Variants in GLIS3 observed in about 807,000 individuals in gnomAD.
GLIS3 encodes GLIS family zinc finger 3.
Under a neutral mutation model 78.6 loss-of-function variants are expected in GLIS3, and 53 were observed. That is an observed-to-expected ratio of 0.67 (90% confidence interval 0.54 to 0.85). GLIS3 has a LOEUF of 0.85. Ranked by LOEUF, GLIS3 falls within the 40% of genes least tolerant of loss-of-function variation. The pLI, the probability that GLIS3 is intolerant of heterozygous loss-of-function variation, is 0.00. For missense variants in GLIS3, 1,703 were observed against 1,231.1 expected (o/e 1.38, Z -5.74); for synonymous variants, 684 against 509.9 (o/e 1.34, Z -4.60).
At chr9:4,356,308 A>G in the GLIS3 span, among the ~76,000 whole-genome samples, 1 of 152,312 alleles carries the variant, frequency 6.6e-6, no homozygotes, top group Non-Finnish European at 1.5e-5. Flanking sequence ...CAAGTGATCC[A>G]GTGTCTTTCT....
rs1817637422 is a variant in GLIS3 at position 3,824,790 on chromosome 9, A to G, written c.*3482T>C. ...TGTGATTTATGGAAAACAGATTTCCACTTTTTTCCCCCAAAGTGCTTTATG... is the reference window on the plus strand; with the variant it reads ...TGTGATTTATGGAAAACAGATTTCCGCTTTTTTCCCCCAAAGTGCTTTATG... On this transcript the variant is annotated 3_prime_UTR_variant, in exon 11 of 11. Transcript: ENST00000381971. 1 of 152,390 alleles carries G rather than the reference A, an allele frequency of 6.6e-6. No homozygotes were observed. The highest frequency in any genetic ancestry group is 6.6e-5 in the Admixed American group (1 of 15,254). The allele number at this position is 152,390 out of a possible 1,614,324, so 9.4% of individuals were successfully genotyped here. A position where few individuals can be genotyped will look rare whatever the true frequency, so the allele number is the denominator to read the frequency against.
the GLIS3 span, among the ~76,000 whole-genome samples, chr9:4,428,130 T>C: frequency 2.0e-5 from 3 of 151,768 alleles, no homozygotes; most frequent in African/African-American, 7.3e-5. Flanking sequence ...CAGGTGGCAA[T>C]ATGGACCCCT....
chr9:4,397,211 G>A, the GLIS3 span, among the ~76,000 whole-genome samples: 2 of 141,802 alleles, frequency 1.4e-5, no homozygotes, highest in African/African-American at 5.5e-5. Context: ...ATTTTTAGTA[G>A]AGACGGGGTT....
chr9:4,054,222 T>G (rs761360053), intron 4 of GLIS3: 15 of 577,526 alleles, frequency 2.6e-5, no homozygotes, highest in Non-Finnish European at 3.1e-5. Flanking sequence ...CAGCAGAACA[T>G]CAGCTCTGTG....
intron 2 of GLIS3, among the ~76,000 whole-genome samples, chr9:4,183,794 T>C (rs146081108): frequency 1.3e-5 from 2 of 152,360 alleles, no homozygotes; most frequent in African/African-American, 4.8e-5. Context: ...GTCATGATTC[T>C]GAATGTTTAT....
intron 2 of GLIS3, among the ~76,000 whole-genome samples, chr9:4,234,542 ACAT>A (rs1229466186): frequency 6.6e-6 from 1 of 152,186 alleles, no homozygotes; most frequent in Admixed American, 6.5e-5. Context: ...GTAACACAAA[ACAT>A]CACTGTTCAT....
At chr9:4,227,301 G>A (rs945238354) in intron 2 of GLIS3, among the ~76,000 whole-genome samples, 1 of 54,254 alleles carries the variant, frequency 1.8e-5, no homozygotes, top group Non-Finnish European at 3.7e-5. Flanking sequence ...GTCACGTTAT[G>A]TTACCAAAAA....
intron 4 of GLIS3, among the ~76,000 whole-genome samples, chr9:3,975,977 C>T (rs1468304120): frequency 6.6e-6 from 1 of 152,132 alleles, no homozygotes; most frequent in Non-Finnish European, 1.5e-5. Context: ...GCTGTCTCAT[C>T]AGATCAGCAG....
chr9:4,258,188 G>A (rs1010047280), intron 2 of GLIS3, among the ~76,000 whole-genome samples: 12 of 151,986 alleles, frequency 7.9e-5, no homozygotes, highest in African/African-American at 2.7e-4. Flanking sequence ...TTTTCAGAGG[G>A]AGGAAAACAA....
At chr9:4,480,194 G>C in the GLIS3 span, among the ~76,000 whole-genome samples, 1 of 147,638 alleles carries the variant, frequency 6.8e-6, no homozygotes, top group South Asian at 2.1e-4. Context: ...TTCCAGGCTG[G>C]GCTTTCTTTT....
intron 4 of GLIS3, among the ~76,000 whole-genome samples, chr9:4,072,847 G>T (rs550087601): frequency 6.6e-4 from 101 of 152,024 alleles, no homozygotes; most frequent in African/African-American, 2.4e-3. Context: ...TAATACACAT[G>T]AACAGCCTAA....
the GLIS3 span, among the ~76,000 whole-genome samples, chr9:4,428,693 C>A: frequency 1.3e-5 from 2 of 152,014 alleles, no homozygotes; most frequent in Non-Finnish European, 2.9e-5. Flanking sequence ...GATAATTTAA[C>A]ATAGTATATA....
rs568359244 is a variant in GLIS3, at chr9:4,324,438, G to A, written n.265-13910C>T. Among the ~76,000 whole-genome samples, 126 of 152,188 alleles carry A rather than the reference G, an allele frequency of 8.3e-4. 4 individuals carry two copies. Among genetic ancestry groups the A allele is most frequent in the Non-Finnish European group, 3.2e-4 (22 of 68,012 alleles). On this transcript the variant is annotated intron_variant and non_coding_transcript_variant, in intron 2 of 4. Transcript: ENST00000471664. ...ATAACATCTGCCCTAGACACCTCACGGGATTGTTTTGAGAACCATATGAGA... is the reference window on the plus strand; with the variant it reads ...ATAACATCTGCCCTAGACACCTCACAGGATTGTTTTGAGAACCATATGAGA...
intron 4 of GLIS3, among the ~76,000 whole-genome samples, chr9:3,966,467 T>C (rs1817941304): frequency 1.3e-5 from 2 of 151,498 alleles, no homozygotes; most frequent in Admixed American, 6.6e-5. Context: ...TAATTGATGA[T>C]ATAAAAAAAG....
At chr9:4,122,461 T>C (rs1307700087) in intron 3 of GLIS3, among the ~76,000 whole-genome samples, 1 of 152,138 alleles carries the variant, frequency 6.6e-6, no homozygotes, top group African/African-American at 2.4e-5. Flanking sequence ...CTCTGACCTT[T>C]GTGGATATAC....
At chr9:4,396,320 G>C in the GLIS3 span, among the ~76,000 whole-genome samples, 208 of 151,996 alleles carry the variant, frequency 1.4e-3, 2 homozygotes, top group African/African-American at 4.7e-3. Flanking sequence ...AGTTTCACCA[G>C]GTTGATCTCG....
At chr9:3,865,823 T>C (rs1264138058) in intron 8 of GLIS3, among the ~76,000 whole-genome samples, 2 of 152,202 alleles carry the variant, frequency 1.3e-5, no homozygotes, top group Non-Finnish European at 2.9e-5. Context: ...ATGGTTTCCT[T>C]TATAGGCATC....
chr9:4,286,282 A>C lies in GLIS3; in HGVS notation c.144T>G (p.Ser48Arg). The change falls in exon 2 of 11, where the codon AGT (serine) becomes AGG (arginine). Residue 48 changes from serine to arginine, a missense_variant. Physicochemically the swap from Ser to Arg is moderately radical, Grantham distance 110 (BLOSUM62 -1). Transcript: ENST00000381971. ...TGTTAGCAAGGCTTGCCATAGTGGG[A>C]CTCGATGTGCTGCCACAGGGCGAGG... ...PGPSPCGSTSSPTMASLANNL... is the reference protein window; with the variant it reads ...PGPSPCGSTSRPTMASLANNL... 1 of 1,614,158 alleles carries C rather than the reference A, an allele frequency of 6.2e-7. No individual in the cohort carries two copies. The highest frequency in any genetic ancestry group is 8.5e-7 in the Non-Finnish European group (1 of 1,180,028).
At chr9:4,029,133 A>G (rs1390413010) in intron 4 of GLIS3, among the ~76,000 whole-genome samples, 2 of 152,186 alleles carry the variant, frequency 1.3e-5, no homozygotes, top group East Asian at 3.9e-4. Flanking sequence ...TCCAAAATAC[A>G]TTTAAGTCTT....
Sources: gnomAD v4.1 joint callset for allele counts (sites outside exome capture counted in the v4.1 genomes callset) on GRCh38, gnomAD v4.1.1 for gene constraint, MANE v1.5 for transcripts, NCBI Gene and HGNC (gene_info 2026-07-23, HGNC 2026-07-21) for gene names.